Variants in LTBP2 observed in about 807,000 individuals in gnomAD.
LTBP2 encodes the protein latent-transforming growth factor beta-binding protein 2.
LTBP2 carries 103 observed loss-of-function variants against 210.6 expected under a neutral mutation model. The ratio of observed to expected loss-of-function variants is 0.49; its 90% CI spans 0.42 to 0.58. The LOEUF (loss-of-function observed/expected upper bound fraction) is 0.58. Among genes scored for constraint, LTBP2 ranks in the 20% least tolerant of loss-of-function variants. LTBP2 has a pLI of 0.00. For missense variants in LTBP2, 2,313 were observed against 2,494.5 expected, an observed-to-expected ratio of 0.93 and a Z score of 1.55; for synonymous variants, 1,007 against 1,015.0, an observed-to-expected ratio of 0.99 and a Z score of 0.15.
At chr14:74,503,029 C>CCT in intron 33 of LTBP2, 95 bp from the exon 34 acceptor site, 1 of 1,539,266 alleles carries the variant, frequency 6.5e-7, no homozygotes, top group Non-Finnish European at 8.9e-7. Flanking sequence ...GGACTGGTAC[C>CCT]CTCTGGGAGA....
chr14:74,509,293 G>A lies in LTBP2; in HGVS notation c.3348C>T (p.Ser1116=). The A allele has an allele frequency of 6.2e-7, 1 of 1,613,692 alleles. No homozygotes were observed. Among genetic ancestry groups the A allele is most frequent in the Non-Finnish European group, 8.5e-7 (1 of 1,180,002 alleles). Residue 1116 remains serine, a synonymous_variant, in exon 22 of 36, where the codon TCC becomes TCT. Coordinates refer to ENST00000261978, the MANE Select transcript of LTBP2 (RefSeq NM_000428.3). ...GVCTNTAGSF[S]CKDCDGGYRP... Reference sequence around the variant, plus strand: ...GGTAGCCCCCATCGCAGTCCTTGCAGGAGAAGGAGCCAGCCGTGTTGGTGC... The same window carrying A: ...GGTAGCCCCCATCGCAGTCCTTGCAAGAGAAGGAGCCAGCCGTGTTGGTGC...
intron 30 of LTBP2, 84 bp downstream of exon 30, chr14:74,504,694 A>G: frequency 1.5e-6 from 2 of 1,378,804 alleles, no homozygotes; most frequent in East Asian, 4.6e-5. Flanking sequence ...GGCTGGATGC[A>G]GAACTTCCCC....
At chr14:74,523,055 C>A (rs1194957957) in intron 15 of LTBP2, 137 bp from the exon 16 acceptor site, 1 of 1,049,940 alleles carries the variant, frequency 9.5e-7, no homozygotes, top group Non-Finnish European at 1.4e-6. Flanking sequence ...CCCTCCCATA[C>A]CCATGCACAG....
chr14:74,508,019 T>C lies in LTBP2; in HGVS notation c.3729A>G (p.Leu1243=). ...GGGAGGGCTGGAAGCCAGTCTCACATAGACAGTTGAAGGAGCCCTCGGTGT... is the reference window on the plus strand; with the variant it reads ...GGGAGGGCTGGAAGCCAGTCTCACACAGACAGTTGAAGGAGCCCTCGGTGT... ...CVNTEGSFNC[L]CETGFQPSPE... is the part of the protein sequence containing the mutation. The change falls in exon 25 of 36, where the codon CTA becomes CTG. Residue 1243 remains leucine, a synonymous_variant. Coordinates refer to ENST00000261978, the MANE Select transcript of LTBP2 (RefSeq NM_000428.3). 1 of 1,613,920 alleles carries C rather than the reference T, an allele frequency of 6.2e-7. No individual in the cohort carries two copies. The highest frequency in any genetic ancestry group is 8.5e-7 in the Non-Finnish European group (1 of 1,179,992).
intron 24 of LTBP2, among the ~76,000 whole-genome samples, chr14:74,508,361 C>T (rs1004367636): frequency 6.6e-6 from 1 of 152,036 alleles, no homozygotes; most frequent in East Asian, 1.9e-4. Flanking sequence ...CTGTCAACGT[C>T]GTGAAGAGGC....
chr14:74,522,784 G>A lies in LTBP2; in HGVS notation c.2659+6C>T. The A allele has an allele frequency of 1.9e-6, 3 of 1,609,626 alleles. No individual in the cohort carries two copies. The highest frequency in any genetic ancestry group is 2.5e-6 in the Non-Finnish European group (3 of 1,178,242). ...CCAAGTAAGCCCAGGGCACCCAAGT[G>A]AATACCTGTGCAGTAGGCCTGGCTG... On this transcript the variant is annotated splice_donor_region_variant and intron_variant, in intron 16 of 35. Coordinates refer to ENST00000261978, the MANE Select transcript of LTBP2 (RefSeq NM_000428.3).
At chr14:74,521,760 C>G in intron 17 of LTBP2, 151 bp downstream of exon 17, 1 of 1,089,804 alleles carries the variant, frequency 9.2e-7, no homozygotes, top group East Asian at 2.4e-5. Context: ...CTCCCAGATC[C>G]AGGCTGGAGT....
chr14:74,522,746 TC>T (rs2087222955), intron 16 of LTBP2, 43 bp downstream of exon 16: 1 of 1,586,580 alleles, frequency 6.3e-7, no homozygotes, highest in South Asian at 1.1e-5. Flanking sequence ...CCTGCTCCCA[TC>T]TACCCCAGCC....
chr14:74,508,521 C>T (rs1402556648), intron 24 of LTBP2, 83 bp downstream of exon 24: 60 of 1,546,346 alleles, frequency 3.9e-5, no homozygotes, highest in Non-Finnish European at 4.9e-5. Context: ...TAGCCTGTAG[C>T]GCCCATGCTC....
chr14:74,522,291 C>A (rs2087215572), intron 16 of LTBP2, among the ~76,000 whole-genome samples: 1 of 152,326 alleles, frequency 6.6e-6, no homozygotes, highest in South Asian at 2.1e-4. Flanking sequence ...CTCCTTCCCC[C>A]AGTAGCCTCA....
Position 74,549,878 on chromosome 14 carries a change from A to G in LTBP2, c.1774T>C (p.Cys592Arg). 6.2e-7 allele frequency: 1 copy of G among 1,613,798 alleles called. No individual in the cohort carries two copies. Among genetic ancestry groups the G allele is most frequent in the African/African-American group, 1.3e-5 (1 of 74,922 alleles). ...CAGCACTCACCTGGTCTGGGTGGGC[A>G]TGGGGCACACAAAGTCACCCCCCAG... ...AFWGVTLCAPCPPRPASPVIE... is the reference protein window; with the variant it reads ...AFWGVTLCAPRPPRPASPVIE... Residue 592 changes from cysteine to arginine, a missense_variant, in exon 8 of 36, where the codon TGC becomes CGC. Cys to Arg is a radical substitution (Grantham distance 180). Transcript: ENST00000261978.
chr14:74,528,534 G>A lies in LTBP2; in HGVS notation c.2317C>T (p.Leu773Phe), dbSNP rs1006576900. The A allele has an allele frequency of 5.6e-6, 9 of 1,612,684 alleles. No individual in the cohort carries two copies. In the South Asian group the frequency reaches 6.6e-5, roughly 12 times the overall value. ...ALPGPAERQP[L>F]RVVTDTWLEA... is the part of the protein sequence containing the mutation. ...AGCCAGGTGTCCGTGACGACCCGGA[G>A]GGGCTGCCTCTCTGCTGGCCCGGGC... The change falls in exon 12 of 36, where the codon CTC becomes TTC. Residue 773 changes from leucine (L) to phenylalanine (F), a missense_variant. Coordinates refer to ENST00000261978, the MANE Select transcript of LTBP2 (RefSeq NM_000428.3).
At position 74,552,941 on chromosome 14, in the gene LTBP2, C is replaced by T. The variant is rs748099528; in HGVS notation, c.1143G>A (p.Leu381=). 4.3e-6 allele frequency: 7 copies of T among 1,613,856 alleles called. No homozygotes were observed. The highest frequency in any genetic ancestry group is 5.9e-6 in the Non-Finnish European group (7 of 1,179,950). The part of the protein sequence containing the change: ...NSCERGDTTT[L]YSQGGHGHDP... The stretch of plus-strand genomic sequence containing the variant: ...CGTGCCCATGGCCGCCCTGGCTGTA[C>T]AGGGTGGTGGTGTCGCCCCTCTCAC... Residue 381 remains leucine (L), a synonymous_variant, in exon 5 of 36, where the codon CTG becomes CTA. Coordinates refer to ENST00000261978, the MANE Select transcript of LTBP2 (RefSeq NM_000428.3).
At chr14:74,601,451 CT>C (rs2088445539) in intron 2 of LTBP2, among the ~76,000 whole-genome samples, 1 of 152,228 alleles carries the variant, frequency 6.6e-6, no homozygotes, top group Admixed American at 6.5e-5. Context: ...ACCGGTGCCC[CT>C]GACCACTGAG....
chr14:74,550,035 G>T lies in LTBP2; in HGVS notation c.1687-70C>A. The T allele has an allele frequency of 7.6e-6, 8 of 1,045,822 alleles. No homozygotes were observed. The South Asian group carries it at 1.0e-4, about 13-fold the overall frequency. The allele number at this position is 1,045,822 out of a possible 1,614,324, so 64.8% of individuals were successfully genotyped here. A position where few individuals can be genotyped will look rare whatever the true frequency, so the allele number is the denominator to read the frequency against. ...CCCAGGCTGTGCACAGAGATGTCCCGGGAAAGCCTAGGACACAGAGCTCAC... is the reference window on the plus strand; with the variant it reads ...CCCAGGCTGTGCACAGAGATGTCCCTGGAAAGCCTAGGACACAGAGCTCAC... On this transcript the variant is annotated intron_variant, in intron 7 of 35. Transcript: ENST00000261978.
At chr14:74,522,713 A>T in intron 16 of LTBP2, 77 bp downstream of exon 16, 2 of 1,505,366 alleles carry the variant, frequency 1.3e-6, no homozygotes, top group Non-Finnish European at 1.8e-6. Flanking sequence ...TTCTTCCTGG[A>T]CTCTCAACTC....
intron 3 of LTBP2, among the ~76,000 whole-genome samples, chr14:74,559,390 G>A (rs2087765203): frequency 6.6e-6 from 1 of 152,184 alleles, no homozygotes; most frequent in Admixed American, 6.5e-5. Context: ...ATTCTGAGAG[G>A]CTCGTCGTGG....
chr14:74,545,234 A>G (rs1012368275), intron 8 of LTBP2, among the ~76,000 whole-genome samples: 2 of 152,154 alleles, frequency 1.3e-5, no homozygotes, highest in African/African-American at 4.8e-5. Flanking sequence ...CCCTAGATGT[A>G]TGACCTTGGA....
intron 10 of LTBP2, among the ~76,000 whole-genome samples, chr14:74,529,571 G>C (rs1374240577): frequency 3.3e-5 from 5 of 152,130 alleles, no homozygotes; most frequent in African/African-American, 7.2e-5. Context: ...CCTATCTTGG[G>C]TCATCTCTGT....
Sources: allele counts gnomAD v4.1 joint callset (sites outside exome capture counted in the v4.1 genomes callset), GRCh38; gene constraint gnomAD v4.1.1; transcripts MANE v1.5; gene names NCBI Gene and HGNC (gene_info 2026-07-23, HGNC 2026-07-21).